Variants in KIAA0825 observed in about 807,000 individuals in gnomAD.
KIAA0825 encodes the protein KIAA0825.
Under a neutral mutation model 147.6 loss-of-function variants are expected in KIAA0825, and 119 were observed. That is an observed-to-expected ratio of 0.81 (90% CI 0.69 to 0.94). The LOEUF (loss-of-function observed/expected upper bound fraction) is 0.94, where lower values mean the gene tolerates loss of function less well. KIAA0825 is among the 40% of genes least tolerant of loss of function. The pLI, the probability that KIAA0825 is intolerant of heterozygous loss-of-function variation, is 0.00. For missense variants in KIAA0825, 1,381 were observed against 1,472.7 expected, an observed-to-expected ratio of 0.94 and a Z score of 1.02; for synonymous variants, 470 against 518.1, an observed-to-expected ratio of 0.91 and a Z score of 1.26.
At chr5:94,497,074 T>A (rs1764464411) in intron 5 of KIAA0825, among the ~76,000 whole-genome samples, 1 of 152,156 alleles carries the variant, frequency 6.6e-6, no homozygotes, top group African/African-American at 2.4e-5. Flanking sequence ...ACATACTATA[T>A]GGTAAGAACT....
chr5:94,349,762 A>C (rs1161011393), intron 20 of KIAA0825, among the ~76,000 whole-genome samples: 6 of 152,126 alleles, frequency 3.9e-5, no homozygotes, highest in Admixed American at 3.9e-4. Context: ...ACCTATCAAA[A>C]CCTCTAGGCT....
intron 3 of KIAA0825, among the ~76,000 whole-genome samples, chr5:94,528,819 C>T (rs1173611950): frequency 4.6e-5 from 7 of 150,890 alleles, no homozygotes; most frequent in African/African-American, 1.7e-4. Flanking sequence ...AAAGGCTTGC[C>T]CAGGAATTTC....
chr5:94,616,176 C>G (rs1790430756), intron 1 of KIAA0825, among the ~76,000 whole-genome samples: 1 of 152,068 alleles, frequency 6.6e-6, no homozygotes, highest in Non-Finnish European at 1.5e-5. Flanking sequence ...ACGGGATCTG[C>G]CTACAAGTCA....
intron 20 of KIAA0825, among the ~76,000 whole-genome samples, chr5:94,176,628 A>G (rs1269859753): frequency 6.6e-6 from 1 of 152,092 alleles, no homozygotes; most frequent in African/African-American, 2.4e-5. Context: ...ATTCAAAATT[A>G]TCATTAAAAA....
chr5:94,410,120 T>C (rs534856175), intron 15 of KIAA0825, among the ~76,000 whole-genome samples: 1 of 149,114 alleles, frequency 6.7e-6, no homozygotes, highest in Non-Finnish European at 1.5e-5. Flanking sequence ...AAAAAGAAAC[T>C]ATACAGAATT....
At chr5:94,229,353 G>GCTC (rs1389484218) in intron 20 of KIAA0825, among the ~76,000 whole-genome samples, 1 of 152,092 alleles carries the variant, frequency 6.6e-6, no homozygotes. Context: ...TATTTAGCCT[G>GCTC]CTTCTTCTTC....
intron 14 of KIAA0825, among the ~76,000 whole-genome samples, chr5:94,425,510 A>G (rs1267688126): frequency 1.3e-5 from 2 of 152,092 alleles, no homozygotes; most frequent in African/African-American, 2.4e-5. Flanking sequence ...AGGCAAAGGT[A>G]GGAGGATCAC....
intron 5 of KIAA0825, chr5:94,519,977 T>G (rs1767856640): frequency 9.5e-7 from 1 of 1,057,192 alleles, no homozygotes; most frequent in African/African-American, 1.7e-5. Flanking sequence ...ATACTGTTTG[T>G]CATATGCAAT....
At chr5:94,327,941 G>A (rs896972246) in intron 20 of KIAA0825, among the ~76,000 whole-genome samples, 2 of 152,086 alleles carry the variant, frequency 1.3e-5, no homozygotes, top group African/African-American at 4.8e-5. Flanking sequence ...GGGAGGCAGG[G>A]GTTGCAGTGA....
At chr5:94,433,375 T>C (rs1263819446) in intron 14 of KIAA0825, among the ~76,000 whole-genome samples, 1 of 152,234 alleles carries the variant, frequency 6.6e-6, no homozygotes, top group Non-Finnish European at 1.5e-5. Context: ...AGTAGCCTTT[T>C]AGTCAGAATT....
At chr5:94,211,846 C>T (rs1056496727) in intron 20 of KIAA0825, among the ~76,000 whole-genome samples, 1 of 152,156 alleles carries the variant, frequency 6.6e-6, no homozygotes, top group African/African-American at 2.4e-5. Context: ...AGAGCATATC[C>T]CTAACTATGT....
chr5:94,313,681 T>C lies in KIAA0825; in HGVS notation c.3710+70687A>G, dbSNP rs946990918. Among the ~76,000 whole-genome samples, 3 of 151,328 alleles carry C rather than the reference T, an allele frequency of 2.0e-5. No individual in the cohort carries two copies. In the Admixed American group the frequency reaches 2.0e-4, roughly 10 times the overall value. Reference sequence around the variant, plus strand: ...CAATGTTTTGGCAAAGTCGGCAAGTTCCTTAAATGAAGATTATTTTCCCCC... The same window carrying C: ...CAATGTTTTGGCAAAGTCGGCAAGTCCCTTAAATGAAGATTATTTTCCCCC... On this transcript the variant is annotated intron_variant, in intron 20 of 20. Coordinates refer to ENST00000682413, the MANE Select transcript of KIAA0825 (RefSeq NM_001145678.3).
In KIAA0825 at chr5:94,475,420, C is replaced by T. The variant is rs1761757468; in HGVS notation, c.1227+1691G>A. Among the ~76,000 whole-genome samples the T allele has an allele frequency of 2.0e-5, 3 of 152,118 alleles. No individual in the cohort carries two copies. The South Asian group carries it at 6.2e-4, about 31-fold the overall frequency. ...TTTTGGGCAGTGAAAGTTACCTTTGCCCATGATAATATACATGTAATTATA... is the reference window on the plus strand; with the variant it reads ...TTTTGGGCAGTGAAAGTTACCTTTGTCCATGATAATATACATGTAATTATA... On this transcript the variant is annotated intron_variant, in intron 7 of 20. Coordinates refer to ENST00000682413, the MANE Select transcript of KIAA0825 (RefSeq NM_001145678.3).
intron 1 of KIAA0825, among the ~76,000 whole-genome samples, chr5:94,587,684 G>A (rs1294111557): frequency 6.6e-6 from 1 of 152,014 alleles, no homozygotes. Flanking sequence ...TCACAGAATT[G>A]GGAAAAACTA....
rs758698714 is a variant in KIAA0825 at position 94,509,020 on chromosome 5, G to C, written c.970+11228C>G. ...CAGAGCTGGCTATACACAGCTGCCT[G>C]TGACATAGCTCTGTCTTATCAAGAT... On this transcript the variant is annotated intron_variant, in intron 5 of 20. Transcript: ENST00000682413. Among the ~76,000 whole-genome samples the C allele has an allele frequency of 1.8e-4, 28 of 152,224 alleles. 1 individual carries two copies. The highest frequency in any genetic ancestry group is 7.3e-5 in the Non-Finnish European group (5 of 68,044).
At chr5:94,464,063 C>A (rs1760171042) in intron 11 of KIAA0825, among the ~76,000 whole-genome samples, 1 of 42,138 alleles carries the variant, frequency 2.4e-5, no homozygotes, top group African/African-American at 1.1e-4. Flanking sequence ...ATTCCTCCTG[C>A]CAAAAAAAAA....
chr5:94,563,854 T>C (rs372880999), intron 2 of KIAA0825, among the ~76,000 whole-genome samples: 1 of 151,800 alleles, frequency 6.6e-6, no homozygotes, highest in Non-Finnish European at 1.5e-5. Context: ...CCAGCTAATT[T>C]TTGCATTTTT....
intron 1 of KIAA0825, among the ~76,000 whole-genome samples, chr5:94,610,253 C>G (rs1788441955): frequency 6.6e-6 from 1 of 151,102 alleles, no homozygotes; most frequent in Non-Finnish European, 1.5e-5. Flanking sequence ...AACCCCATCT[C>G]TACTAAAAAT....
At position 94,227,277 on chromosome 5, in the gene KIAA0825, C is replaced by G. The variant is rs549960962; in HGVS notation, c.3711-73153G>C. Reference sequence around the variant, plus strand: ...ATGGATGAAATTGGAAATCATCATTCTCAGTAAACTATCGCAAGAACAAAA... The same window carrying G: ...ATGGATGAAATTGGAAATCATCATTGTCAGTAAACTATCGCAAGAACAAAA... On this transcript the variant is annotated intron_variant, in intron 20 of 20. Transcript: ENST00000682413. Among the ~76,000 whole-genome samples the G allele has an allele frequency of 2.0e-5, 3 of 151,970 alleles. No individual in the cohort carries two copies. In the East Asian group the frequency reaches 5.8e-4, roughly 29 times the overall value.
Sources: gnomAD v4.1 joint callset for allele counts (sites outside exome capture counted in the v4.1 genomes callset) on GRCh38, gnomAD v4.1.1 for gene constraint, MANE v1.5 for transcripts, NCBI Gene and HGNC (gene_info 2026-07-23, HGNC 2026-07-21) for gene names.